RCAN2: variants seen among roughly 807,000 people sequenced by gnomAD.
The protein encoded by RCAN2 is calcipressin-2.
In RCAN2, 9 loss-of-function variants were observed where a neutral mutation model predicts 23.6. The ratio of observed to expected loss-of-function variants is 0.38; its 90% CI spans 0.23 to 0.67. The LOEUF is 0.67. Among genes scored for constraint, RCAN2 ranks in the 30% least tolerant of loss-of-function variants. RCAN2 has a pLI of 0.51. For synonymous variants in RCAN2, 109 were observed against 115.7 expected, an observed-to-expected ratio of 0.94 and a Z score of 0.37; for missense variants, 273 against 302.3, an observed-to-expected ratio of 0.90 and a Z score of 0.72.
chr6:46,468,688 G>A (rs1425941284), intron 1 of RCAN2: 1 of 407,676 alleles, frequency 2.5e-6, no homozygotes, highest in African/African-American at 2.2e-5. Context: ...CTCCTGATAT[G>A]CTGTGCTGAC....
At chr6:46,348,258 T>C (rs1301178362) in intron 2 of RCAN2, among the ~76,000 whole-genome samples, 1 of 152,154 alleles carries the variant, frequency 6.6e-6, no homozygotes, top group Non-Finnish European at 1.5e-5. Flanking sequence ...AAGAAAAATA[T>C]CCACATTCAA....
intron 2 of RCAN2, among the ~76,000 whole-genome samples, chr6:46,268,622 G>A (rs1020558068): frequency 2.6e-5 from 4 of 152,150 alleles, no homozygotes; most frequent in African/African-American, 7.2e-5. Context: ...GGCCAAATAC[G>A]TGTGTATCAC....
chr6:46,384,570 G>A (rs1765693063), intron 2 of RCAN2, among the ~76,000 whole-genome samples: 1 of 152,194 alleles, frequency 6.6e-6, no homozygotes, highest in Non-Finnish European at 1.5e-5. Context: ...TTCTAGAGAA[G>A]GGAACTGGGG....
At chr6:46,258,498 A>C (rs1254927958) in intron 2 of RCAN2, among the ~76,000 whole-genome samples, 1 of 152,240 alleles carries the variant, frequency 6.6e-6, no homozygotes, top group Admixed American at 6.5e-5. Flanking sequence ...TAACTGCTTC[A>C]AGAAAAGATA....
In RCAN2 at chr6:46,419,369, G is replaced by C. The variant is rs1431932171; in HGVS notation, c.225+37383C>G. Among the ~76,000 whole-genome samples, 5 of 152,226 alleles carry C rather than the reference G, an allele frequency of 3.3e-5. No homozygotes were observed. The East Asian group carries it at 7.7e-4, about 24-fold the overall frequency. On this transcript the variant is annotated intron_variant, in intron 2 of 4. Transcript: ENST00000371374. The stretch of plus-strand genomic sequence containing the variant: ...AGCTTGAGAACCACCGGTTTAGAAG[G>C]CCTAGTATGCTCTTCTCCCAATATT...
rs375663845 is a variant in RCAN2 at position 46,273,838 on chromosome 6, G to C, written c.226-24942C>G. ...TAATCATGATCATTTCCTTTTTAGA[G>C]AGCTGTAAGAGTGTGGCAGATTCTT... is the stretch of plus-strand genomic sequence containing the variant. On this transcript the variant is annotated intron_variant, in intron 2 of 4. Transcript: ENST00000371374. Among the ~76,000 whole-genome samples, 26 of 152,080 alleles carry C rather than the reference G, an allele frequency of 1.7e-4. No individual in the cohort carries two copies. In the South Asian group the frequency reaches 5.2e-3, roughly 30 times the overall value.
At chr6:46,335,512 T>C (rs1328291292) in intron 2 of RCAN2, among the ~76,000 whole-genome samples, 1 of 152,158 alleles carries the variant, frequency 6.6e-6, no homozygotes, top group Non-Finnish European at 1.5e-5. Flanking sequence ...GAGTCAATCA[T>C]TGGGAACTAG....
chr6:46,325,473 C>T lies in RCAN2; in HGVS notation c.226-76577G>A, dbSNP rs771325741. 1.9e-6 allele frequency: 3 copies of T among 1,614,030 alleles called. No individual in the cohort carries two copies. The Admixed American group carries it at 5.0e-5, about 27-fold the overall frequency. On this transcript the variant is annotated intron_variant, in intron 2 of 4. Transcript: ENST00000371374. ...GAAACATCACAGTCCATGCTAGGGGCTGGCATTCCCCCTTCTGAATTTTTA... is the reference window on the plus strand; with the variant it reads ...GAAACATCACAGTCCATGCTAGGGGTTGGCATTCCCCCTTCTGAATTTTTA...
chr6:46,251,483 G>A (rs1766715871), intron 2 of RCAN2, among the ~76,000 whole-genome samples: 1 of 152,104 alleles, frequency 6.6e-6, no homozygotes, highest in African/African-American at 2.4e-5. Context: ...TCTTCTTTGT[G>A]GCTGGTATGT....
At chr6:46,484,903 A>G (rs1768956962) in intron 1 of RCAN2, among the ~76,000 whole-genome samples, 1 of 152,210 alleles carries the variant, frequency 6.6e-6, no homozygotes, top group Non-Finnish European at 1.5e-5. Flanking sequence ...TAACACCATC[A>G]AGCCCTTATC....
chr6:46,288,110 G>A (rs777077103), intron 2 of RCAN2, among the ~76,000 whole-genome samples: 1 of 152,174 alleles, frequency 6.6e-6, no homozygotes, highest in African/African-American at 2.4e-5. Context: ...ACACAGTCAA[G>A]CTTTCAGTAG....
chr6:46,360,984 A>G (rs1417808720), intron 2 of RCAN2, among the ~76,000 whole-genome samples: 1 of 152,256 alleles, frequency 6.6e-6, no homozygotes, highest in Non-Finnish European at 1.5e-5. Flanking sequence ...GAGTATTCAG[A>G]AAAACCATTC....
At chr6:46,241,827 A>G (rs1349976092) in intron 4 of RCAN2, among the ~76,000 whole-genome samples, 1 of 152,220 alleles carries the variant, frequency 6.6e-6, no homozygotes, top group African/African-American at 2.4e-5. Context: ...ATTGTCTGTG[A>G]ACATTAAATA....
intron 1 of RCAN2, among the ~76,000 whole-genome samples, chr6:46,489,046 C>A (rs1164708312): frequency 6.6e-6 from 1 of 152,210 alleles, no homozygotes; most frequent in Non-Finnish European, 1.5e-5. Context: ...GGTATATTCA[C>A]AATCCAGCTT....
chr6:46,227,930 C>G (rs1765733218), intron 4 of RCAN2, among the ~76,000 whole-genome samples: 1 of 152,196 alleles, frequency 6.6e-6, no homozygotes, highest in Admixed American at 6.5e-5. Flanking sequence ...AAATTTCCCT[C>G]TACACACTGC....
At chr6:46,278,784 T>G (rs766175361) in intron 2 of RCAN2, among the ~76,000 whole-genome samples, 3 of 152,220 alleles carry the variant, frequency 2.0e-5, no homozygotes, top group Non-Finnish European at 4.4e-5. Context: ...TCCTCATGAT[T>G]AGATTCGGGC....
In RCAN2 at chr6:46,222,454, A is replaced by G. The variant is rs141751415; in HGVS notation, c.*687T>C. The G allele has an allele frequency of 6.5e-6, 1 of 153,542 alleles. No homozygotes were observed. Among genetic ancestry groups the G allele is most frequent in the African/African-American group, 2.4e-5 (1 of 41,504 alleles). The allele number at this position is 153,542 out of a possible 1,614,324, so 9.5% of individuals were successfully genotyped here. On this transcript the variant is annotated 3_prime_UTR_variant, in exon 5 of 5. Coordinates refer to ENST00000371374, the MANE Select transcript of RCAN2 (RefSeq NM_001251974.2). ...TACAGGGGAGTGGTGTTTGAAATCT[A>G]TTGAGGAATATCTTTGGGGCCAAGG...
At chr6:46,378,809 T>C (rs1278156810) in intron 2 of RCAN2, among the ~76,000 whole-genome samples, 3 of 152,202 alleles carry the variant, frequency 2.0e-5, no homozygotes, top group Non-Finnish European at 2.9e-5. Context: ...GAAGTTTCTT[T>C]AGAACAATGT....
chr6:46,452,887 G>A (rs1767921199), intron 2 of RCAN2, among the ~76,000 whole-genome samples: 1 of 152,180 alleles, frequency 6.6e-6, no homozygotes, highest in Non-Finnish European at 1.5e-5. Flanking sequence ...GTATACCTAT[G>A]TAACAAAACC....
Sources: allele counts gnomAD v4.1 joint callset (sites outside exome capture counted in the v4.1 genomes callset), GRCh38; gene constraint gnomAD v4.1.1; transcripts MANE v1.5; gene names NCBI Gene and HGNC (gene_info 2026-07-23, HGNC 2026-07-21).